Variants in PDE1A observed in about 807,000 individuals in gnomAD.
PDE1A encodes the protein dual specificity calcium/calmodulin-dependent 3',5'-cyclic nucleotide phosphodiesterase 1A.
A neutral mutation model predicts 61.7 loss-of-function variants in PDE1A; 35 were observed. The ratio of observed to expected loss-of-function variants is 0.57; its 90% confidence interval spans 0.43 to 0.75. PDE1A has a LOEUF of 0.75. Among genes scored for constraint, PDE1A ranks in the 30% least tolerant of loss-of-function variants. The pLI, the probability that PDE1A is intolerant of heterozygous loss-of-function variation, is 0.00. For synonymous variants in PDE1A, 232 were observed against 213.2 expected, an observed-to-expected ratio of 1.09 and a Z score of -0.77; for missense variants, 597 against 630.6, an observed-to-expected ratio of 0.95 and a Z score of 0.57.
At chr2:182,435,317 T>A (rs185181807) in intron 2 of PDE1A, among the ~76,000 whole-genome samples, 2 of 152,138 alleles carry the variant, frequency 1.3e-5, no homozygotes, top group Admixed American at 1.3e-4. Context: ...AATATAAAAT[T>A]CTCTTTGAGT....
chr2:182,482,293 T>C (rs1687751403), intron 2 of PDE1A, among the ~76,000 whole-genome samples: 1 of 151,970 alleles, frequency 6.6e-6, no homozygotes, highest in Non-Finnish European at 1.5e-5. Context: ...ACAAACAATC[T>C]ATCAGTATTG....
chr2:182,550,026 T>C, the PDE1A span, among the ~76,000 whole-genome samples: 1 of 152,146 alleles, frequency 6.6e-6, no homozygotes, highest in Non-Finnish European at 1.5e-5. Context: ...TAGCCATCAA[T>C]GAAGAAAAAG....
At chr2:182,554,341 C>T in the PDE1A span, among the ~76,000 whole-genome samples, 1 of 152,194 alleles carries the variant, frequency 6.6e-6, no homozygotes, top group African/African-American at 2.4e-5. Flanking sequence ...TAAAGGTACA[C>T]AAAAATACAT....
the PDE1A span, among the ~76,000 whole-genome samples, chr2:182,601,359 A>G: frequency 1.3e-5 from 2 of 152,236 alleles, no homozygotes; most frequent in South Asian, 4.1e-4. Context: ...CAAGGAATTC[A>G]GCAGCACGCA....
At chr2:182,338,122 A>G (rs1408464285) in intron 1 of PDE1A, among the ~76,000 whole-genome samples, 2 of 152,210 alleles carry the variant, frequency 1.3e-5, no homozygotes, top group African/African-American at 4.8e-5. Context: ...AAGATGCATG[A>G]CACTTTGGAT....
chr2:182,371,191 T>C (rs577252560), intron 1 of PDE1A, among the ~76,000 whole-genome samples: 2 of 152,282 alleles, frequency 1.3e-5, no homozygotes, highest in Non-Finnish European at 2.9e-5. Flanking sequence ...AAAGTAGTTA[T>C]AAAATATGCA....
At chr2:182,462,667 G>A (rs968250471) in intron 2 of PDE1A, among the ~76,000 whole-genome samples, 1 of 152,010 alleles carries the variant, frequency 6.6e-6, no homozygotes, top group Non-Finnish European at 1.5e-5. Context: ...GAAAAAAAAG[G>A]GTGTAAGCAG....
At chr2:182,195,845 A>T (rs1686093713) in intron 10 of PDE1A, among the ~76,000 whole-genome samples, 1 of 152,088 alleles carries the variant, frequency 6.6e-6, no homozygotes, top group African/African-American at 2.4e-5. Context: ...AACAAAAATA[A>T]AACATACAAG....
At chr2:182,586,942 T>C in the PDE1A span, among the ~76,000 whole-genome samples, 8 of 151,998 alleles carry the variant, frequency 5.3e-5, no homozygotes, top group South Asian at 1.2e-3. Context: ...TATGAAGAGA[T>C]AAAAACAAAG....
At chr2:182,371,406 A>T (rs1391504916) in intron 1 of PDE1A, among the ~76,000 whole-genome samples, 1 of 152,206 alleles carries the variant, frequency 6.6e-6, no homozygotes, top group Non-Finnish European at 1.5e-5. Flanking sequence ...ACGAAAACTT[A>T]TTCTGATAAA....
chr2:182,545,912 A>C, the PDE1A span, among the ~76,000 whole-genome samples: 18 of 152,332 alleles, frequency 1.2e-4, no homozygotes, highest in Non-Finnish European at 2.4e-4. Flanking sequence ...GACAGAGGCC[A>C]AACCTGTTTA....
intron 2 of PDE1A, among the ~76,000 whole-genome samples, chr2:182,253,192 A>T (rs1691526388): frequency 6.6e-6 from 1 of 152,202 alleles, no homozygotes; most frequent in African/African-American, 2.4e-5. Flanking sequence ...AGAGATGAAG[A>T]ACATGAATTT....
chr2:182,516,687 GGGAAGGGA>G (rs1301155600), intron 2 of PDE1A, among the ~76,000 whole-genome samples: 7 of 76,914 alleles, frequency 9.1e-5, no homozygotes, highest in Non-Finnish European at 1.6e-4. Flanking sequence ...GAGGGAAGGA[GGGAAGGGA>G]GGAAGGGAGG....
At chr2:182,599,154 C>A in the PDE1A span, among the ~76,000 whole-genome samples, 2 of 152,100 alleles carry the variant, frequency 1.3e-5, no homozygotes, top group African/African-American at 4.8e-5. Context: ...CCAGGAAGGC[C>A]CCCCCTACCC....
intron 8 of PDE1A, among the ~76,000 whole-genome samples, chr2:182,203,268 C>T (rs1416507991): frequency 1.3e-5 from 2 of 151,886 alleles, no homozygotes; most frequent in African/African-American, 4.8e-5. Flanking sequence ...TGCAGTGAGC[C>T]GAGATTGCAC....
At chr2:182,457,473 G>T (rs1686002134) in intron 2 of PDE1A, among the ~76,000 whole-genome samples, 1 of 152,068 alleles carries the variant, frequency 6.6e-6, no homozygotes, top group South Asian at 2.1e-4. Context: ...CTCAGGAAAA[G>T]AATTAAGTTT....
At chr2:182,200,795 G>A (rs1281653352) in intron 10 of PDE1A, among the ~76,000 whole-genome samples, 1 of 152,168 alleles carries the variant, frequency 6.6e-6, no homozygotes, top group Non-Finnish European at 1.5e-5. Flanking sequence ...TCTTGTGGAA[G>A]ACTGAGCCCT....
In PDE1A at chr2:182,321,986, A is replaced by G. The variant is rs572933683; in HGVS notation, c.54-57572T>C. Among the ~76,000 whole-genome samples, 40 of 152,302 alleles carry G rather than the reference A, an allele frequency of 2.6e-4. 1 individual carries two copies. The South Asian group carries it at 8.3e-3, about 32-fold the overall frequency. On this transcript the variant is annotated intron_variant, in intron 1 of 13. Transcript: ENST00000351439. ...TGTTTTACTCTGGATTTAAAATTTC[A>G]AGGTAATTACCTTTAGAAGGACAGT... is the stretch of plus-strand genomic sequence containing the variant.
chr2:182,209,276 T>C (rs1474976176), intron 7 of PDE1A, among the ~76,000 whole-genome samples: 2 of 151,924 alleles, frequency 1.3e-5, no homozygotes, highest in African/African-American at 2.4e-5. Context: ...GTGAAACAGA[T>C]TTCCCCTTAT....
Sources: allele counts gnomAD v4.1 joint callset (sites outside exome capture counted in the v4.1 genomes callset), GRCh38; gene constraint gnomAD v4.1.1; transcripts MANE v1.5; gene names NCBI Gene and HGNC (gene_info 2026-07-23, HGNC 2026-07-21).